The following RABGAP1L variants were observed in gnomAD, a reference collection of about 807,000 sequenced individuals.
RABGAP1L encodes rab GTPase-activating protein 1-like.
Under a neutral mutation model 137.7 loss-of-function variants are expected in RABGAP1L, and 63 were observed. The ratio of observed to expected loss-of-function variants is 0.46; its 90% CI spans 0.37 to 0.56. RABGAP1L has a LOEUF of 0.56. RABGAP1L is among the 20% of genes least tolerant of loss of function. The pLI, the probability that RABGAP1L is intolerant of heterozygous loss-of-function variation, is 0.00. For synonymous variants in RABGAP1L, 431 were observed against 433.7 expected (o/e 0.99, Z 0.08); for missense variants, 1,095 against 1,244.0 (o/e 0.88, Z 1.80).
intron 13 of RABGAP1L, among the ~76,000 whole-genome samples, chr1:174,439,259 C>T (rs1275587603): frequency 1.3e-5 from 2 of 152,046 alleles, no homozygotes; most frequent in Non-Finnish European, 2.9e-5. Context: ...TTTTGTAGTG[C>T]CACTAAATTA....
At chr1:174,197,118 G>A (rs1029186657) in intron 1 of RABGAP1L, among the ~76,000 whole-genome samples, 4 of 152,142 alleles carry the variant, frequency 2.6e-5, no homozygotes, top group Non-Finnish European at 4.4e-5. Flanking sequence ...AATGTGCCAG[G>A]CACTGTGCCC....
chr1:174,771,446 G>A (rs1338923602), intron 18 of RABGAP1L, among the ~76,000 whole-genome samples: 1 of 151,872 alleles, frequency 6.6e-6, no homozygotes, highest in African/African-American at 2.4e-5. Context: ...TTAAGTGCTT[G>A]GCTAAATTTA....
intron 18 of RABGAP1L, among the ~76,000 whole-genome samples, chr1:174,790,790 G>A (rs867731179): frequency 3.1e-4 from 47 of 151,810 alleles, no homozygotes; most frequent in African/African-American, 1.1e-3. Context: ...TGTGTGGGCA[G>A]GGGGCGGGGG....
chr1:174,333,369 A>G (rs1681202306), intron 11 of RABGAP1L, among the ~76,000 whole-genome samples: 1 of 152,222 alleles, frequency 6.6e-6, no homozygotes, highest in Non-Finnish European at 1.5e-5. Context: ...ATCATATGCT[A>G]ATTACCGTAA....
intron 13 of RABGAP1L, among the ~76,000 whole-genome samples, chr1:174,509,558 A>G (rs975145532): frequency 6.6e-6 from 1 of 151,932 alleles, no homozygotes; most frequent in African/African-American, 2.4e-5. Context: ...GCATCTTTCA[A>G]TGAGTTGTCT....
At chr1:174,969,230 G>C in intron 20 of RABGAP1L, 47 bp from the exon 21 acceptor site, 2 of 1,394,582 alleles carry the variant, frequency 1.4e-6, no homozygotes, top group Non-Finnish European at 2.0e-6. Context: ...GTTCGTTTCT[G>C]TATGTCCAGA....
At chr1:174,703,834 G>A (rs947972395) in intron 17 of RABGAP1L, among the ~76,000 whole-genome samples, 33 of 152,142 alleles carry the variant, frequency 2.2e-4, no homozygotes, top group Admixed American at 1.9e-3. Flanking sequence ...TTGATAATTA[G>A]TAATGTTGAA....
At chr1:174,712,129 A>G (rs1202494948) in intron 17 of RABGAP1L, among the ~76,000 whole-genome samples, 1 of 152,150 alleles carries the variant, frequency 6.6e-6, no homozygotes, top group Non-Finnish European at 1.5e-5. Flanking sequence ...TGTAAAATGG[A>G]CCAATCAGCT....
At position 174,203,341 on chromosome 1, in the gene RABGAP1L, A is replaced by G. The variant is rs575560219; in HGVS notation, c.-33-15784A>G. 4.6e-5 allele frequency among the ~76,000 whole-genome samples: 7 copies of G among 152,226 alleles called. No individual in the cohort carries two copies. The South Asian group carries it at 1.5e-3, about 32-fold the overall frequency. ...GTGTTCTGCATATGGCTAGCCAGTT[A>G]TCTCATCACCATTTATTGAACAGGG... On this transcript the variant is annotated intron_variant, in intron 1 of 25. Transcript: ENST00000681986.
At chr1:174,988,597 C>T (rs1327647555) in intron 24 of RABGAP1L, 44 bp from the exon 25 acceptor site, 1 of 1,416,676 alleles carries the variant, frequency 7.1e-7, no homozygotes, top group Non-Finnish European at 9.3e-7. Flanking sequence ...GTGATTTAGC[C>T]TATGGAATAG....
intron 24 of RABGAP1L, 137 bp downstream of exon 24, chr1:174,983,042 C>G: frequency 4.5e-6 from 4 of 891,528 alleles, no homozygotes; most frequent in Non-Finnish European, 7.0e-6. Flanking sequence ...GGATACCTCT[C>G]TTCTGACCAG....
At chr1:174,841,001 G>A (rs867849717) in intron 19 of RABGAP1L, among the ~76,000 whole-genome samples, 1 of 151,982 alleles carries the variant, frequency 6.6e-6, no homozygotes, top group African/African-American at 2.4e-5. Context: ...CAAAGCAACA[G>A]TATAGCATTA....
At chr1:174,243,452 A>G (rs1671996815) in intron 5 of RABGAP1L, among the ~76,000 whole-genome samples, 1 of 152,178 alleles carries the variant, frequency 6.6e-6, no homozygotes, top group Non-Finnish European at 1.5e-5. Flanking sequence ...GGTAAAATAT[A>G]TTGTTTGAAG....
intron 13 of RABGAP1L, among the ~76,000 whole-genome samples, chr1:174,523,364 C>CA (rs1268429111): frequency 2.0e-5 from 3 of 147,978 alleles, no homozygotes; most frequent in African/African-American, 7.5e-5. Flanking sequence ...GAGACCAAAA[C>CA]AAAAAAATAA....
At chr1:174,679,181 G>A (rs1677866510) in intron 14 of RABGAP1L, among the ~76,000 whole-genome samples, 1 of 152,102 alleles carries the variant, frequency 6.6e-6, no homozygotes, top group Non-Finnish European at 1.5e-5. Context: ...TGCCTAATTA[G>A]CATTTTAGTG....
intron 13 of RABGAP1L, among the ~76,000 whole-genome samples, chr1:174,453,438 A>C (rs1655666756): frequency 6.6e-6 from 1 of 152,232 alleles, no homozygotes; most frequent in Non-Finnish European, 1.5e-5. Flanking sequence ...GCTAGAAGGT[A>C]ATCATTAGAT....
intron 19 of RABGAP1L, among the ~76,000 whole-genome samples, chr1:174,863,242 A>AAAAAAAG (rs1553267211): frequency 7.0e-5 from 9 of 129,006 alleles, no homozygotes; most frequent in East Asian, 8.2e-4. Context: ...GCAAAAAAAA[A>AAAAAAAG]AAAAAAGAAA....
chr1:174,833,903 G>T (rs910575132), intron 19 of RABGAP1L, among the ~76,000 whole-genome samples: 1 of 152,124 alleles, frequency 6.6e-6, no homozygotes, highest in Non-Finnish European at 1.5e-5. Context: ...CTTTTCTGAG[G>T]AAGTGACATT....
At chr1:174,615,497 C>T (rs939264713) in intron 13 of RABGAP1L, among the ~76,000 whole-genome samples, 3 of 152,190 alleles carry the variant, frequency 2.0e-5, no homozygotes, top group Admixed American at 1.3e-4. Context: ...TTGGGGGTGC[C>T]TCCCAGTTAG....
Sources: allele counts gnomAD v4.1 joint callset (sites outside exome capture counted in the v4.1 genomes callset), GRCh38; gene constraint gnomAD v4.1.1; transcripts MANE v1.5; gene names NCBI Gene and HGNC (gene_info 2026-07-23, HGNC 2026-07-21).